The following BMPR1B variants were observed in gnomAD, a reference collection of about 807,000 sequenced individuals.
BMPR1B encodes the protein bone morphogenetic protein receptor type 1B.
A neutral mutation model predicts 59.1 loss-of-function variants in BMPR1B; 12 were observed. The ratio of observed to expected loss-of-function variants is 0.20; its 90% CI spans 0.13 to 0.33. The LOEUF is 0.33. Among genes scored for constraint, BMPR1B ranks in the 10% least tolerant of loss-of-function variants. BMPR1B has a pLI of 1.00. For synonymous variants in BMPR1B, 237 were observed against 207.3 expected (o/e 1.14, Z -1.23); for missense variants, 550 against 610.9 (o/e 0.90, Z 1.05).
At chr4:94,838,818 G>C (rs1223293051) in intron 1 of BMPR1B, among the ~76,000 whole-genome samples, 638 of 128,158 alleles carry the variant, frequency 5.0e-3, no homozygotes, top group African/African-American at 0.013. Context: ...AATGTGTTTG[G>C]TCTTGCTTTT....
At chr4:94,773,183 G>C (rs1722248627) in intron 1 of BMPR1B, among the ~76,000 whole-genome samples, 1 of 152,094 alleles carries the variant, frequency 6.6e-6, no homozygotes, top group Admixed American at 6.5e-5. Context: ...AGACAGGAAA[G>C]GTCATAATCT....
chr4:95,084,364 T>C (rs1397854975), intron 3 of BMPR1B, among the ~76,000 whole-genome samples: 1 of 80,244 alleles, frequency 1.2e-5, no homozygotes, highest in African/African-American at 4.4e-5. Flanking sequence ...TGTATATATA[T>C]GTGTATTGTG....
At chr4:94,875,552 C>T (rs899002952) in intron 1 of BMPR1B, among the ~76,000 whole-genome samples, 6 of 152,088 alleles carry the variant, frequency 3.9e-5, no homozygotes, top group Non-Finnish European at 8.8e-5. Flanking sequence ...TGTGTAGTGG[C>T]GGGCACCTGC....
intron 6 of BMPR1B, among the ~76,000 whole-genome samples, chr4:95,116,421 G>GCGCGCACGCGCACACACACACACA: frequency 2.4e-5 from 3 of 123,198 alleles, no homozygotes; most frequent in African/African-American, 1.1e-4. Flanking sequence ...TTCAGCGCGC[G>GCGCGCACGCGCACACACACACACA]CACACACACA....
rs1237140578 is a variant in BMPR1B at position 94,758,996 on chromosome 4, A to G, written c.-183+928A>G. 3.3e-5 allele frequency among the ~76,000 whole-genome samples: 5 copies of G among 151,632 alleles called. No individual in the cohort carries two copies. The East Asian group carries it at 7.8e-4, about 24-fold the overall frequency. ...CCCCTGTCTCTTGCTCTCTGCGCCC[A>G]TCTCTCTGCTCGTCCCTCTTTCTGT... On this transcript the variant is annotated intron_variant, in intron 1 of 12. Coordinates refer to ENST00000515059, the MANE Select transcript of BMPR1B (RefSeq NM_001203.3).
intron 2 of BMPR1B, among the ~76,000 whole-genome samples, chr4:94,919,863 T>G (rs2149023086): frequency 6.6e-6 from 1 of 152,310 alleles, no homozygotes; most frequent in Admixed American, 6.5e-5. Flanking sequence ...CCTAAATCAT[T>G]TTGTTTCTAC....
intron 1 of BMPR1B, among the ~76,000 whole-genome samples, chr4:94,783,145 C>T (rs11097439): frequency 0.55 from 83,930 of 151,966 alleles, 23,342 homozygotes; most frequent in Middle Eastern, 0.71. Flanking sequence ...GTTGTTATCA[C>T]GCCAGCTATT....
At chr4:95,139,188 C>G (rs963915655) in intron 10 of BMPR1B, among the ~76,000 whole-genome samples, 1 of 152,062 alleles carries the variant, frequency 6.6e-6, no homozygotes, top group African/African-American at 2.4e-5. Flanking sequence ...CACTCCAGAC[C>G]CTGTTTGCCT....
intron 3 of BMPR1B, chr4:95,091,448 A>T: frequency 1.0e-6 from 1 of 985,216 alleles, no homozygotes; most frequent in African/African-American, 1.7e-5. Flanking sequence ...GAGCTGTATT[A>T]GGCAACCACA....
At chr4:94,915,854 G>T (rs1191947329) in intron 2 of BMPR1B, among the ~76,000 whole-genome samples, 2 of 152,168 alleles carry the variant, frequency 1.3e-5, no homozygotes, top group African/African-American at 2.4e-5. Flanking sequence ...CTAGTGGGAG[G>T]TGTTTCAGTT....
chr4:95,111,880 C>A (rs545868930), intron 4 of BMPR1B, among the ~76,000 whole-genome samples: 1 of 151,996 alleles, frequency 6.6e-6, no homozygotes, highest in Non-Finnish European at 1.5e-5. Flanking sequence ...TATTCTTTTT[C>A]TTCTCTCCCT....
At position 94,906,627 on chromosome 4, in the gene BMPR1B, G is replaced by C. The variant is rs377394437; in HGVS notation, c.-113+30727G>C. 4.6e-5 allele frequency among the ~76,000 whole-genome samples: 7 copies of C among 151,838 alleles called. No homozygotes were observed. The East Asian group carries it at 5.8e-4, about 13-fold the overall frequency. ...CCTATGTAACAAACCAGCACGTTCT[G>C]CACATATATCCCAGACCTTAAAGTA... is the stretch of plus-strand genomic sequence containing the variant. On this transcript the variant is annotated intron_variant, in intron 2 of 12. Coordinates refer to ENST00000515059, the MANE Select transcript of BMPR1B (RefSeq NM_001203.3).
chr4:94,819,549 A>G (rs939207042), intron 1 of BMPR1B, among the ~76,000 whole-genome samples: 4 of 152,158 alleles, frequency 2.6e-5, no homozygotes, highest in African/African-American at 7.2e-5. Flanking sequence ...GGGTTCTTTC[A>G]TCAGCCCTCT....
intron 2 of BMPR1B, among the ~76,000 whole-genome samples, chr4:94,989,932 A>G (rs1721634497): frequency 6.6e-6 from 1 of 152,246 alleles, no homozygotes; most frequent in African/African-American, 2.4e-5. Flanking sequence ...ATTATTTATC[A>G]CTAGGAAAAT....
intron 1 of BMPR1B, among the ~76,000 whole-genome samples, chr4:94,856,046 A>G (rs183270539): frequency 1.3e-5 from 2 of 152,228 alleles, no homozygotes; most frequent in African/African-American, 4.8e-5. Flanking sequence ...ACAACAACAA[A>G]AAAGACTGAC....
At chr4:94,830,477 G>T (rs1374742252) in intron 1 of BMPR1B, among the ~76,000 whole-genome samples, 1 of 152,090 alleles carries the variant, frequency 6.6e-6, no homozygotes, top group Non-Finnish European at 1.5e-5. Context: ...CATCATAGAT[G>T]AGATTTGATT....
At chr4:95,051,937 T>C (rs908023792) in intron 3 of BMPR1B, among the ~76,000 whole-genome samples, 14 of 150,334 alleles carry the variant, frequency 9.3e-5, no homozygotes, top group African/African-American at 1.7e-4. Context: ...TTCTCTATTA[T>C]GGCAAGGCTT....
chr4:94,837,350 C>A (rs1460549521), intron 1 of BMPR1B, among the ~76,000 whole-genome samples: 1 of 146,806 alleles, frequency 6.8e-6, no homozygotes, highest in Non-Finnish European at 1.5e-5. Flanking sequence ...TTACCTTGGG[C>A]AGTATGGCCA....
At chr4:94,933,406 G>A (rs995416055) in intron 2 of BMPR1B, among the ~76,000 whole-genome samples, 2 of 151,604 alleles carry the variant, frequency 1.3e-5, no homozygotes, top group Admixed American at 6.6e-5. Context: ...CAGTATTTCC[G>A]ATTATTTCCT....
Sources: gnomAD v4.1 joint callset for allele counts (sites outside exome capture counted in the v4.1 genomes callset) on GRCh38, gnomAD v4.1.1 for gene constraint, MANE v1.5 for transcripts, NCBI Gene and HGNC (gene_info 2026-07-23, HGNC 2026-07-21) for gene names.